ASPHD2: variants seen among roughly 807,000 people sequenced by gnomAD.
ASPHD2 encodes the protein aspartate beta-hydroxylase domain containing 2.
In ASPHD2, 12 loss-of-function variants were observed where a neutral mutation model predicts 34.6. That is an observed-to-expected ratio of 0.35 (90% CI 0.22 to 0.56). The LOEUF (loss-of-function observed/expected upper bound fraction) is 0.56, where lower values mean the gene tolerates loss of function less well. ASPHD2 is among the 20% of genes least tolerant of loss of function. The probability of loss-of-function intolerance (pLI) is 0.87; values close to 1 mark genes in which losing one functional copy is unlikely to be tolerated. For missense variants in ASPHD2, 375 were observed against 505.0 expected (o/e 0.74, Z 2.47); for synonymous variants, 224 against 212.2 (o/e 1.06, Z -0.48).
chr22:26,442,105 CAAAAAA>C (rs61233112), intron 2 of ASPHD2, among the ~76,000 whole-genome samples: 3 of 98,176 alleles, frequency 3.1e-5, no homozygotes, highest in African/African-American at 7.5e-5. Context: ...GACTCCATTT[CAAAAAA>C]AAAAAAAAAA....
intron 2 of ASPHD2, among the ~76,000 whole-genome samples, chr22:26,437,301 C>A (rs181927369): frequency 1.4e-4 from 21 of 151,704 alleles, no homozygotes; most frequent in Non-Finnish European, 2.1e-4. Context: ...TTTCTTCTGC[C>A]TTCTGCCTGA....
At chr22:26,435,596 G>T (rs1205127534) in intron 2 of ASPHD2, among the ~76,000 whole-genome samples, 2 of 152,186 alleles carry the variant, frequency 1.3e-5, no homozygotes, top group African/African-American at 4.8e-5. Context: ...TGCCTGGGAA[G>T]GAGCCGGAGC....
chr22:26,434,277 ACAGCACCCC>A lies in ASPHD2; in HGVS notation c.667_675del (p.Thr223_Ser225del). 1 of 1,614,216 alleles carries A rather than the reference ACAGCACCCC, an allele frequency of 6.2e-7. No homozygotes were observed. Among genetic ancestry groups the A allele is most frequent in the Non-Finnish European group, 8.5e-7 (1 of 1,180,030 alleles). ...AGCCTCCCGCAAGGATGGAAAATGA[ACAGCACCCC>A]CAGCGGGGAGTGGTTCACCTTTTAC... On this transcript the variant is annotated inframe_deletion, in exon 2 of 4. Transcript: ENST00000215906.
chr22:26,440,399 T>A (rs933725036), intron 2 of ASPHD2, among the ~76,000 whole-genome samples: 10 of 152,144 alleles, frequency 6.6e-5, no homozygotes, highest in Non-Finnish European at 1.3e-4. Context: ...TGATGCAATC[T>A]CGGCTCACTG....
intron 1 of ASPHD2, among the ~76,000 whole-genome samples, chr22:26,430,265 G>C (rs902683749): frequency 6.6e-6 from 1 of 152,230 alleles, no homozygotes; most frequent in East Asian, 1.9e-4. Flanking sequence ...GGCAGCCTCT[G>C]GGAATGGACA....
chr22:26,437,483 A>T (rs1304349944), intron 2 of ASPHD2, among the ~76,000 whole-genome samples: 2 of 152,014 alleles, frequency 1.3e-5, no homozygotes, highest in Non-Finnish European at 1.5e-5. Flanking sequence ...CTTCAGGCCC[A>T]CCCCCCACTC....
At chr22:26,435,710 T>TAAAAGAAAAGAAAAGAAAAG (rs139306199) in intron 2 of ASPHD2, among the ~76,000 whole-genome samples, 111 of 146,020 alleles carry the variant, frequency 7.6e-4, no homozygotes, top group East Asian at 1.0e-3. Flanking sequence ...ATCACTGCAC[T>TAAAAGAAAAGAAAAGAAAAG]AAAAGAAAAG....
Position 26,433,664 on chromosome 22 carries a change from C to T in ASPHD2, c.49C>T (p.Leu17Phe). ...GPPRTDCLTL[L>F]HTPSKDSPKM... ...CCCGAGGACTGATTGTCTGACCTTGCTTCACACGCCCAGTAAGGACTCCCC... is the reference window on the plus strand; with the variant it reads ...CCCGAGGACTGATTGTCTGACCTTGTTTCACACGCCCAGTAAGGACTCCCC... The change falls in exon 2 of 4, where the codon CTT becomes TTT. Residue 17 changes from leucine (L) to phenylalanine (F), a missense_variant. Transcript: ENST00000215906. This position sits in a 1 kb window ranked among gnomAD's most constrained non-coding sequence, Gnocchi z 5.1. 6.2e-7 allele frequency: 1 copy of T among 1,614,146 alleles called. No homozygotes were observed. The highest frequency in any genetic ancestry group is 1.3e-5 in the African/African-American group (1 of 75,034).
chr22:26,431,417 GAAAAAAAAA>G (rs3071719), intron 1 of ASPHD2, among the ~76,000 whole-genome samples: 2 of 136,618 alleles, frequency 1.5e-5, no homozygotes, highest in African/African-American at 5.3e-5. Flanking sequence ...GTGTGGGAAA[GAAAAAAAAA>G]AAAAAACAAA....
At chr22:26,438,540 C>T (rs1344487314) in intron 2 of ASPHD2, among the ~76,000 whole-genome samples, 1 of 138,966 alleles carries the variant, frequency 7.2e-6, no homozygotes, top group South Asian at 2.4e-4. Context: ...CATATATACA[C>T]ATACATATAT....
chr22:26,434,045 C>T lies in ASPHD2; in HGVS notation c.430C>T (p.Arg144Cys). 2 of 1,613,466 alleles carry T rather than the reference C, an allele frequency of 1.2e-6. No individual in the cohort carries two copies. The change falls in exon 2 of 4, where the codon CGC (arginine) becomes TGC (cysteine). Residue 144 changes from arginine to cysteine, a missense_variant. Physicochemically the swap from Arg to Cys is radical, Grantham distance 180 (BLOSUM62 -3). This residue lies in a region of ASPHD2 where 223 missense variants were observed against 257.8 expected (regional missense o/e 0.87). Coordinates refer to ENST00000215906, the MANE Select transcript of ASPHD2 (RefSeq NM_020437.5). Reference protein sequence around the residue: ...AKRYSWSGMGRIHKGIREQGR... With the variant: ...AKRYSWSGMGCIHKGIREQGR... ...GCGCTACTCCTGGTCCGGCATGGGC[C>T]GCATCCACAAGGGCATCCGCGAGCA...
intron 1 of ASPHD2, among the ~76,000 whole-genome samples, chr22:26,430,591 T>C (rs1263296772): frequency 6.6e-6 from 1 of 152,120 alleles, no homozygotes; most frequent in Non-Finnish European, 1.5e-5. Flanking sequence ...ACTGGGTAGA[T>C]GGGGAGTTGT....
At position 26,434,976 on chromosome 22, in the gene ASPHD2, C is replaced by G. The variant is rs574426280; in HGVS notation, c.886+475C>G. ...GATGTCCAGGAGGCTGTGAAAGATACTTAAGCATCTTTGCAGTCATCAAGG... is the reference window on the plus strand; with the variant it reads ...GATGTCCAGGAGGCTGTGAAAGATAGTTAAGCATCTTTGCAGTCATCAAGG... On this transcript the variant is annotated intron_variant, in intron 2 of 3. Coordinates refer to ENST00000215906, the MANE Select transcript of ASPHD2 (RefSeq NM_020437.5). 3.3e-5 allele frequency among the ~76,000 whole-genome samples: 5 copies of G among 152,316 alleles called. No homozygotes were observed. In the South Asian group the frequency reaches 8.3e-4, roughly 25 times the overall value.
chr22:26,435,750 G>GA (rs944638695), intron 2 of ASPHD2, among the ~76,000 whole-genome samples: 1 of 59,488 alleles, frequency 1.7e-5, no homozygotes, highest in African/African-American at 6.9e-5. Context: ...GAAAAGAAAA[G>GA]AAAAGAAAAG....
chr22:26,431,066 T>G (rs1034631114), intron 1 of ASPHD2, among the ~76,000 whole-genome samples: 2 of 152,196 alleles, frequency 1.3e-5, no homozygotes, highest in Non-Finnish European at 2.9e-5. Flanking sequence ...ACCGTCTCAC[T>G]CTTAGAACAT....
In ASPHD2 at chr22:26,436,880, C is replaced by T. The variant is rs1320589183; in HGVS notation, c.886+2379C>T. ...TGTGTGTGTGTGTAAAACATGCCCA[C>T]GCTGGCTCACACTGTGGCCTGTGGC... On this transcript the variant is annotated intron_variant, in intron 2 of 3. Coordinates refer to ENST00000215906, the MANE Select transcript of ASPHD2 (RefSeq NM_020437.5). 3.9e-5 allele frequency among the ~76,000 whole-genome samples: 6 copies of T among 152,142 alleles called. No individual in the cohort carries two copies. The East Asian group carries it at 9.7e-4, about 25-fold the overall frequency.
Position 26,433,699 on chromosome 22 carries a change from G to T in ASPHD2, c.84G>T (p.Ser28=), listed in dbSNP as rs904723634. Residue 28 remains serine (S), a synonymous_variant, in exon 2 of 4, where the codon TCG becomes TCT. Transcript: ENST00000215906. The surrounding 1 kb of genome is among the most constrained non-coding windows in gnomAD (Gnocchi z 5.1). The part of the protein sequence containing the change: ...HTPSKDSPKM[S]LEWLVAWSWS... ...CCAGTAAGGACTCCCCCAAGATGTC[G>T]CTCGAGTGGCTGGTGGCCTGGAGCT... The T allele has an allele frequency of 1.5e-5, 24 of 1,613,930 alleles. No individual in the cohort carries two copies. The highest frequency in any genetic ancestry group is 2.0e-5 in the Non-Finnish European group (24 of 1,180,040).
rs1368702992 is a variant in ASPHD2, at chr22:26,433,332, ATT to A, written c.-224-58_-224-57del. 1.0e-5 allele frequency: 5 copies of A among 486,458 alleles called. No homozygotes were observed. The highest frequency in any genetic ancestry group is 1.8e-5 in the Non-Finnish European group (5 of 272,732). 30.1% of individuals were successfully genotyped at this position (486,458 alleles called of 1,614,324 possible). A position where few individuals can be genotyped will look rare whatever the true frequency, so the allele number is the denominator to read the frequency against. ...CCTACAGAACGATCTAACACTTTAC[ATT>A]TCAGTTGAGGACTTTTCCAGGTGTA... On this transcript the variant is annotated intron_variant, in intron 1 of 3. Transcript: ENST00000215906. This position sits in a 1 kb window ranked among gnomAD's most constrained non-coding sequence, Gnocchi z 5.1.
intron 2 of ASPHD2, among the ~76,000 whole-genome samples, chr22:26,438,295 C>T (rs1416270478): frequency 4.6e-5 from 7 of 152,054 alleles, no homozygotes; most frequent in Non-Finnish European, 8.8e-5. Context: ...TGCTGTTAAC[C>T]ATAGTGGGAA....
Sources: allele counts gnomAD v4.1 joint callset (sites outside exome capture counted in the v4.1 genomes callset), GRCh38; gene constraint gnomAD v4.1.1; regional missense constraint gnomAD v4.1.1; non-coding constraint Gnocchi (gnomAD v3.1); transcripts MANE v1.5; gene names NCBI Gene and HGNC (gene_info 2026-07-23, HGNC 2026-07-21).